Variants in KCNH7 observed in about 807,000 individuals in gnomAD.
The protein encoded by KCNH7 is potassium voltage-gated channel subfamily H member 7.
In KCNH7, 49 loss-of-function variants were observed where a neutral mutation model predicts 120.8. The ratio of observed to expected loss-of-function variants is 0.41; its 90% CI spans 0.32 to 0.51. The LOEUF (loss-of-function observed/expected upper bound fraction) is 0.51. KCNH7 is among the 20% of genes least tolerant of loss of function. KCNH7 has a pLI of 0.38. For synonymous variants in KCNH7, 547 were observed against 516.1 expected, an observed-to-expected ratio of 1.06 and a Z score of -0.81; for missense variants, 1,097 against 1,446.6, an observed-to-expected ratio of 0.76 and a Z score of 3.92.
chr2:162,381,079 G>A (rs1320192870), intron 13 of KCNH7, among the ~76,000 whole-genome samples: 1 of 152,100 alleles, frequency 6.6e-6, no homozygotes, highest in Non-Finnish European at 1.5e-5. Context: ...CTGGAGCTGG[G>A]AGTTGACTTT....
intron 2 of KCNH7, among the ~76,000 whole-genome samples, chr2:162,817,474 A>T (rs183550059): frequency 6.6e-6 from 1 of 152,182 alleles, no homozygotes; most frequent in East Asian, 1.9e-4. Flanking sequence ...CTGATGATAG[A>T]CTTTTAGGTT....
intron 7 of KCNH7, among the ~76,000 whole-genome samples, chr2:162,437,927 T>G (rs956438096): frequency 6.6e-6 from 1 of 152,152 alleles, no homozygotes; most frequent in Non-Finnish European, 1.5e-5. Context: ...CACTGACTGC[T>G]CAGACTCTGG....
intron 2 of KCNH7, among the ~76,000 whole-genome samples, chr2:162,554,893 A>C (rs1475941521): frequency 6.6e-6 from 1 of 152,222 alleles, no homozygotes; most frequent in Non-Finnish European, 1.5e-5. Flanking sequence ...TTCCAGGGCC[A>C]TTATTCAGCC....
chr2:162,588,519 G>A (rs928125306), intron 2 of KCNH7, among the ~76,000 whole-genome samples: 13 of 152,102 alleles, frequency 8.5e-5, no homozygotes, highest in African/African-American at 3.1e-4. Flanking sequence ...ACCTCTTGTT[G>A]AAATCAAATT....
At chr2:162,430,021 C>G (rs944800709) in intron 8 of KCNH7, among the ~76,000 whole-genome samples, 81 of 151,576 alleles carry the variant, frequency 5.3e-4, no homozygotes, top group African/African-American at 1.9e-3. Flanking sequence ...TACATTTAAC[C>G]TTCTTCAATG....
At chr2:162,637,429 A>T (rs1684001294) in intron 2 of KCNH7, among the ~76,000 whole-genome samples, 1 of 152,098 alleles carries the variant, frequency 6.6e-6, no homozygotes, top group African/African-American at 2.4e-5. Context: ...TCTCTAATCC[A>T]TTTAACTAAT....
chr2:162,576,881 TC>T (rs1240165914), intron 2 of KCNH7, among the ~76,000 whole-genome samples: 2 of 151,884 alleles, frequency 1.3e-5, no homozygotes, highest in Non-Finnish European at 2.9e-5. Flanking sequence ...TATAAACTCT[TC>T]CTGCAATTTC....
intron 2 of KCNH7, among the ~76,000 whole-genome samples, chr2:162,799,338 T>A (rs1391150226): frequency 6.6e-6 from 1 of 151,964 alleles, no homozygotes; most frequent in Non-Finnish European, 1.5e-5. Flanking sequence ...AATTTCTTCT[T>A]TAAATTTTTG....
intron 2 of KCNH7, among the ~76,000 whole-genome samples, chr2:162,541,170 T>C (rs1459817949): frequency 6.6e-6 from 1 of 152,056 alleles, no homozygotes; most frequent in Non-Finnish European, 1.5e-5. Flanking sequence ...GAGAAGGTAG[T>C]TGGATCCAGG....
intron 6 of KCNH7, among the ~76,000 whole-genome samples, chr2:162,492,819 A>G (rs896925629): frequency 4.8e-5 from 7 of 147,094 alleles, no homozygotes; most frequent in Admixed American, 4.0e-4. Flanking sequence ...TCTCCAAGCT[A>G]TAGATATATC....
rs189135427 is a variant in KCNH7 at position 162,747,287 on chromosome 2, T to A, written c.307+89250A>T. Among the ~76,000 whole-genome samples the A allele has an allele frequency of 2.6e-3, 399 of 152,246 alleles. 2 individuals are homozygous for A. The highest frequency in any genetic ancestry group is 8.0e-3 in the African/African-American group (333 of 41,564). ...AAAGAAGCTTTATTTAAATGGGGGTTAGGTTTTGAGGGTTTAACAACAGTG... is the reference window on the plus strand; with the variant it reads ...AAAGAAGCTTTATTTAAATGGGGGTAAGGTTTTGAGGGTTTAACAACAGTG... On this transcript the variant is annotated intron_variant, in intron 2 of 15. Coordinates refer to ENST00000332142, the MANE Select transcript of KCNH7 (RefSeq NM_033272.4).
intron 2 of KCNH7, among the ~76,000 whole-genome samples, chr2:162,563,128 G>A (rs1693131374): frequency 6.6e-6 from 1 of 152,176 alleles, no homozygotes; most frequent in Admixed American, 6.6e-5. Flanking sequence ...GCAGTGATAA[G>A]TACCTCCCAG....
intron 2 of KCNH7, among the ~76,000 whole-genome samples, chr2:162,557,363 T>C (rs1305608643): frequency 6.6e-6 from 1 of 152,192 alleles, no homozygotes; most frequent in Non-Finnish European, 1.5e-5. Context: ...GCAGGAAGCA[T>C]AAGCTATTGG....
At chr2:162,382,467 A>G (rs955965775) in intron 13 of KCNH7, among the ~76,000 whole-genome samples, 16 of 152,198 alleles carry the variant, frequency 1.1e-4, no homozygotes, top group African/African-American at 3.1e-4. Context: ...ATGTTGCTAT[A>G]GTTGCAAGAC....
At chr2:162,459,576 G>C (rs1255867564) in intron 6 of KCNH7, among the ~76,000 whole-genome samples, 1 of 152,152 alleles carries the variant, frequency 6.6e-6, no homozygotes, top group Non-Finnish European at 1.5e-5. Flanking sequence ...ACCTCATGAA[G>C]TCAGAAGCTT....
intron 6 of KCNH7, among the ~76,000 whole-genome samples, chr2:162,472,872 A>G (rs550114372): frequency 1.3e-5 from 2 of 152,302 alleles, no homozygotes; most frequent in East Asian, 3.9e-4. Flanking sequence ...GGATTAAGAA[A>G]ATGTGGCATA....
chr2:162,684,755 G>A (rs1307322653), intron 2 of KCNH7, among the ~76,000 whole-genome samples: 1 of 152,126 alleles, frequency 6.6e-6, no homozygotes, highest in East Asian at 1.9e-4. Flanking sequence ...TGGTGGGAGT[G>A]TAAATTAGTT....
intron 2 of KCNH7, among the ~76,000 whole-genome samples, chr2:162,671,392 GTT>G (rs71410023): frequency 1.4e-5 from 2 of 143,208 alleles, no homozygotes. Flanking sequence ...ATGAAATCAT[GTT>G]TTTTTTTTTT....
At position 162,536,792 on chromosome 2, in the gene KCNH7, G is replaced by T. The variant is rs1692123943; in HGVS notation, c.463+133C>A. On this transcript the variant is annotated intron_variant, in intron 3 of 15. Coordinates refer to ENST00000332142, the MANE Select transcript of KCNH7 (RefSeq NM_033272.4). ...TACCAAAAGGTAACATGAGCTAATG[G>T]CTTACTCATGTCAAATTATTTTACT... 5 of 915,922 alleles carry T rather than the reference G, an allele frequency of 5.5e-6. No homozygotes were observed. The South Asian group carries it at 8.0e-5, about 15-fold the overall frequency. 56.7% of individuals were successfully genotyped at this position (915,922 alleles called of 1,614,324 possible). A position where few individuals can be genotyped will look rare whatever the true frequency, so the allele number is the denominator to read the frequency against.
Sources: allele counts gnomAD v4.1 joint callset (sites outside exome capture counted in the v4.1 genomes callset), GRCh38; gene constraint gnomAD v4.1.1; transcripts MANE v1.5; gene names NCBI Gene and HGNC (gene_info 2026-07-23, HGNC 2026-07-21).